KYAT3: variants seen among roughly 807,000 people sequenced by gnomAD.
KYAT3 encodes the protein kynurenine aminotransferase 3.
In KYAT3, 50 loss-of-function variants were observed where a neutral mutation model predicts 59.0. The ratio of observed to expected loss-of-function variants is 0.85; its 90% confidence interval spans 0.68 to 1.07. The LOEUF (loss-of-function observed/expected upper bound fraction) is 1.07, where lower values mean the gene tolerates loss of function less well. Ranked by LOEUF, KYAT3 falls within the 50% of genes least tolerant of loss-of-function variation. The pLI is 0.00. For synonymous variants in KYAT3, 148 were observed against 177.0 expected (o/e 0.84, Z 1.30); for missense variants, 497 against 533.3 (o/e 0.93, Z 0.67).
intron 8 of KYAT3, among the ~76,000 whole-genome samples, chr1:88,959,932 G>C (rs984201343): frequency 6.7e-6 from 1 of 149,608 alleles, no homozygotes; most frequent in African/African-American, 2.4e-5. Flanking sequence ...GCCGGGTATG[G>C]TGGTCTGTGC....
intron 11 of KYAT3, among the ~76,000 whole-genome samples, chr1:88,945,482 A>G (rs908060772): frequency 1.3e-5 from 2 of 152,186 alleles, no homozygotes; most frequent in Non-Finnish European, 2.9e-5. Flanking sequence ...TTTGATACTT[A>G]TTAGTTGATT....
intron 8 of KYAT3, among the ~76,000 whole-genome samples, chr1:88,960,647 G>A (rs1355220119): frequency 6.6e-6 from 1 of 152,108 alleles, no homozygotes; most frequent in East Asian, 1.9e-4. Flanking sequence ...AGACCCAAAA[G>A]TTGCAGCCCA....
At chr1:88,985,233 G>A (rs1269014188) in intron 2 of KYAT3, among the ~76,000 whole-genome samples, 1 of 152,202 alleles carries the variant, frequency 6.6e-6, no homozygotes, top group East Asian at 1.9e-4. Context: ...TAAGTGAAGG[G>A]AGTGCGTGAG....
intron 1 of KYAT3, among the ~76,000 whole-genome samples, chr1:88,991,614 A>G (rs1677799248): frequency 1.3e-5 from 2 of 152,238 alleles, no homozygotes; most frequent in South Asian, 4.1e-4. Context: ...TTAGAACAAG[A>G]GCGGAAAGAA....
intron 2 of KYAT3, chr1:88,981,156 A>G (rs1289099718): frequency 6.6e-6 from 1 of 152,174 alleles, no homozygotes; most frequent in Non-Finnish European, 1.5e-5. Context: ...AAGTGGCCCA[A>G]TTGTTTCCAG....
chr1:88,991,287 A>G (rs1475080366), intron 1 of KYAT3, among the ~76,000 whole-genome samples: 1 of 152,238 alleles, frequency 6.6e-6, no homozygotes, highest in East Asian at 1.9e-4. Context: ...ACTTAAATCC[A>G]AATGATCAAT....
At chr1:88,976,836 G>A (rs1347188957) in intron 2 of KYAT3, among the ~76,000 whole-genome samples, 1 of 152,036 alleles carries the variant, frequency 6.6e-6, no homozygotes, top group East Asian at 1.9e-4. Context: ...AGTAAAAAAA[G>A]AAAATTACTA....
intron 6 of KYAT3, among the ~76,000 whole-genome samples, chr1:88,961,831 C>T (rs182974786): frequency 1.3e-5 from 2 of 152,344 alleles, no homozygotes; most frequent in Admixed American, 6.5e-5. Flanking sequence ...CTAGCTATAA[C>T]TATGGTTAAC....
At chr1:88,960,620 A>C (rs1676102499) in intron 8 of KYAT3, among the ~76,000 whole-genome samples, 1 of 152,124 alleles carries the variant, frequency 6.6e-6, no homozygotes, top group South Asian at 2.1e-4. Context: ...TTCCAGGCAA[A>C]GGAAAGGGAG....
chr1:88,925,334 G>C, the KYAT3 span, among the ~76,000 whole-genome samples: 5 of 152,130 alleles, frequency 3.3e-5, no homozygotes, highest in African/African-American at 4.8e-5. Context: ...CCTGGGTCCC[G>C]ACCACGACTT....
chr1:88,953,010 T>C, intron 10 of KYAT3, 53 bp downstream of exon 10: 2 of 1,090,550 alleles, frequency 1.8e-6, no homozygotes, highest in Non-Finnish European at 2.8e-6. Context: ...AATATAAAAG[T>C]AATACCTTCA....
chr1:88,955,401 C>T (rs924902391), intron 8 of KYAT3, among the ~76,000 whole-genome samples, 176 bp from the exon 9 acceptor site: 12 of 151,280 alleles, frequency 7.9e-5, no homozygotes, highest in South Asian at 2.1e-4. Flanking sequence ...AAAACACAGA[C>T]GAAAAGTTTA....
chr1:88,988,735 G>A (rs1677616904), intron 1 of KYAT3, among the ~76,000 whole-genome samples: 1 of 152,046 alleles, frequency 6.6e-6, no homozygotes, highest in African/African-American at 2.4e-5. Flanking sequence ...AGAATCCTCT[G>A]GATAACAGTC....
chr1:88,935,998 T>A lies in KYAT3; in HGVS notation c.*185A>T. ...GGAAGGTGTGTTAATACATTTCAAC[T>A]GGAAAAAAAAGGTCAGATCCCCCGA... On this transcript the variant is annotated 3_prime_UTR_variant, in exon 14 of 14. Transcript: ENST00000260508. 2 of 509,584 alleles carry A rather than the reference T, an allele frequency of 3.9e-6. No individual in the cohort carries two copies. Among genetic ancestry groups the A allele is most frequent in the Non-Finnish European group, 7.1e-6 (2 of 282,292 alleles). 31.6% of individuals were successfully genotyped at this position (509,584 alleles called of 1,614,324 possible).
At chr1:88,968,267 T>A (rs565366787) in intron 4 of KYAT3, among the ~76,000 whole-genome samples, 2 of 152,302 alleles carry the variant, frequency 1.3e-5, no homozygotes, top group South Asian at 2.1e-4. Context: ...ATCCTAGGCA[T>A]TTCATTACAG....
chr1:88,961,969 G>A, intron 6 of KYAT3, 90 bp downstream of exon 6: 1 of 891,074 alleles, frequency 1.1e-6, no homozygotes. Flanking sequence ...TGCAATCAAA[G>A]TAGAAACTTT....
At chr1:88,937,071 T>C in intron 13 of KYAT3, among the ~76,000 whole-genome samples, 1 of 152,000 alleles carries the variant, frequency 6.6e-6, no homozygotes, top group Non-Finnish European at 1.5e-5. Flanking sequence ...GAGGCACCTG[T>C]ATGGTAGGGT....
Position 88,968,879 on chromosome 1 carries a change from TTA to T in KYAT3, c.159-67_159-66del, listed in dbSNP as rs967618366. On this transcript the variant is annotated intron_variant, in intron 3 of 13. Transcript: ENST00000260508. ...ATTATAAAGTTCGCTTTTTTATATC[TTA>T]TAGTCTTACCACAAAACAGACAAAT... 23 of 1,232,476 alleles carry T rather than the reference TTA, an allele frequency of 1.9e-5. No individual in the cohort carries two copies. The African/African-American group carries it at 3.2e-4, about 17-fold the overall frequency. The allele number at this position is 1,232,476 out of a possible 1,614,324, so 76.3% of individuals were successfully genotyped here. A position where few individuals can be genotyped will look rare whatever the true frequency, so the allele number is the denominator to read the frequency against.
intron 4 of KYAT3, among the ~76,000 whole-genome samples, chr1:88,965,683 T>C (rs572790464): frequency 2.2e-4 from 33 of 152,266 alleles, no homozygotes; most frequent in African/African-American, 7.5e-4. Context: ...CCTTTTCCTT[T>C]CCCCCTCCTT....
Sources: allele counts gnomAD v4.1 joint callset (sites outside exome capture counted in the v4.1 genomes callset), GRCh38; gene constraint gnomAD v4.1.1; transcripts MANE v1.5; gene names NCBI Gene and HGNC (gene_info 2026-07-23, HGNC 2026-07-21).